Variants in CNIH2 observed in about 807,000 individuals in gnomAD.
CNIH2 encodes the protein cornichon family AMPA receptor auxiliary protein 2.
Under a neutral mutation model 22.9 loss-of-function variants are expected in CNIH2, and 8 were observed. The observed-to-expected ratio is 0.35, with a 90% confidence interval of 0.20 to 0.63. CNIH2 has a LOEUF of 0.63. Ranked by LOEUF, CNIH2 falls within the 30% of genes least tolerant of loss-of-function variation. The pLI is 0.72. For synonymous variants in CNIH2, 74 were observed against 78.2 expected (o/e 0.95, Z 0.28); for missense variants, 105 against 206.2 (o/e 0.51, Z 3.01).
rs1857199347 is a variant in CNIH2, at chr11:66,278,550, TGGGGCTGGGGCTGGGGGCGGGGTGG to T, written c.81+19_81+43del. 6.0e-6 allele frequency: 2 copies of T among 332,820 alleles called. No homozygotes were observed. The highest frequency in any genetic ancestry group is 1.0e-5 in the Non-Finnish European group (2 of 198,058). The allele number at this position is 332,820 out of a possible 1,614,324, so 20.6% of individuals were successfully genotyped here. On this transcript the variant is annotated intron_variant, in intron 1 of 5. Coordinates refer to ENST00000311445, the MANE Select transcript of CNIH2 (RefSeq NM_182553.3). ...TGTCATCTGGCACGTAAGGCCGGGC[TGGGGCTGGGGCTGGGGGCGGGGTGG>T]GGGGCAGGGGCCACGCGGAGCTGGA...
At chr11:66,279,153 G>C (rs917909595) in intron 1 of CNIH2, among the ~76,000 whole-genome samples, 2 of 150,970 alleles carry the variant, frequency 1.3e-5, no homozygotes, top group Non-Finnish European at 3.0e-5. Flanking sequence ...AGCCCCCCAG[G>C]TTTCCTCTCC....
At chr11:66,278,568 C>A (rs745553755) in intron 1 of CNIH2, 31 bp downstream of exon 1, 2 of 167,780 alleles carry the variant, frequency 1.2e-5, no homozygotes, top group Non-Finnish European at 2.3e-5. Flanking sequence ...GGGCTGGGGG[C>A]GGGGTGGGGG....
rs1003137009 is a variant in CNIH2, at chr11:66,283,746, G to A, written c.*149G>A. Reference sequence around the variant, plus strand: ...CCAACCCCCAAACTGCTGCTGCGGGGAACCCCCCCCACCCCGCCTTCAGAG... The same window carrying A: ...CCAACCCCCAAACTGCTGCTGCGGGAAACCCCCCCCACCCCGCCTTCAGAG... On this transcript the variant is annotated 3_prime_UTR_variant, in exon 6 of 6. Coordinates refer to ENST00000311445, the MANE Select transcript of CNIH2 (RefSeq NM_182553.3). 3 of 822,536 alleles carry A rather than the reference G, an allele frequency of 3.6e-6. No homozygotes were observed. In the African/African-American group the frequency reaches 5.2e-5, roughly 14 times the overall value. 51.0% of individuals were successfully genotyped at this position (822,536 alleles called of 1,614,324 possible).
chr11:66,282,223 T>C, intron 1 of CNIH2, 36 bp from the exon 2 acceptor site: 1 of 1,583,912 alleles, frequency 6.3e-7, no homozygotes, highest in Non-Finnish European at 8.7e-7. Context: ...CATAAGCTGC[T>C]GCCCCAACCC....
intron 5 of CNIH2, 54 bp downstream of exon 5, chr11:66,283,445 C>T (rs751735071): frequency 1.4e-5 from 23 of 1,611,414 alleles, no homozygotes; most frequent in Non-Finnish European, 1.7e-5. Flanking sequence ...CCCAGCATCA[C>T]GCTTCCAATC....
At chr11:66,282,632 A>G (rs1016844116) in intron 2 of CNIH2, 101 bp from the exon 3 acceptor site, 128 of 1,389,706 alleles carry the variant, frequency 9.2e-5, no homozygotes, top group Non-Finnish European at 1.2e-4. Flanking sequence ...TGCCGCAGAG[A>G]TCGCTCTGGC....
chr11:66,278,755 G>A (rs1399772515), intron 1 of CNIH2, among the ~76,000 whole-genome samples: 2 of 147,356 alleles, frequency 1.4e-5, no homozygotes, highest in Non-Finnish European at 3.0e-5. Context: ...GTGTATGTCA[G>A]TCGGTCTCTG....
At chr11:66,282,993 T>G in intron 3 of CNIH2, 42 bp from the exon 4 acceptor site, 1 of 1,553,046 alleles carries the variant, frequency 6.4e-7, no homozygotes, top group Non-Finnish European at 8.9e-7. Flanking sequence ...GGCTGGTCTG[T>G]CATAGCACCA....
chr11:66,282,693 T>G, intron 2 of CNIH2, 40 bp from the exon 3 acceptor site: 1 of 1,612,616 alleles, frequency 6.2e-7, no homozygotes, highest in Non-Finnish European at 8.5e-7. Context: ...AGTACCTGCT[T>G]CTCCGCCACC....
chr11:66,282,193 A>G, intron 1 of CNIH2, 66 bp from the exon 2 acceptor site: 5 of 1,398,516 alleles, frequency 3.6e-6, no homozygotes, highest in Non-Finnish European at 4.1e-6. Flanking sequence ...ACTATCCCAC[A>G]GAAGGACTTG....
intron 1 of CNIH2, 136 bp from the exon 2 acceptor site, chr11:66,282,123 C>T (rs1857266469): frequency 1.3e-6 from 1 of 765,938 alleles, no homozygotes; most frequent in South Asian, 1.5e-5. Context: ...CCTGCTCCTC[C>T]CTGGACCTCG....
intron 1 of CNIH2, among the ~76,000 whole-genome samples, chr11:66,278,924 C>CCA (rs1857213657): frequency 9.4e-6 from 1 of 106,938 alleles, no homozygotes; most frequent in Non-Finnish European, 2.2e-5. Context: ...TGCCCCCCCC[C>CCA]CCCCGCCTTT....
intron 2 of CNIH2, 125 bp from the exon 3 acceptor site, chr11:66,282,608 G>T (rs891514660): frequency 5.1e-6 from 6 of 1,181,352 alleles, no homozygotes; most frequent in Non-Finnish European, 6.1e-6. Context: ...GCTGCTTCCC[G>T]GCCGTGCCGA....
In CNIH2 at chr11:66,278,390, G is replaced by A. The variant is rs1009439203; in HGVS notation, c.-67G>A. 6.5e-5 allele frequency: 40 copies of A among 611,848 alleles called. No individual in the cohort carries two copies. Among genetic ancestry groups the A allele is most frequent in the South Asian group, 6.9e-5 (1 of 14,486 alleles). The allele number at this position is 611,848 out of a possible 1,614,324, so 37.9% of individuals were successfully genotyped here. A position where few individuals can be genotyped will look rare whatever the true frequency, so the allele number is the denominator to read the frequency against. On this transcript the variant is annotated 5_prime_UTR_variant, in exon 1 of 6. Transcript: ENST00000311445. ...GCCCGGCCGGCCCTAAGCGCGGGCC[G>A]GGGGGCGTCCCCTTGCGCCCGGGCC...
At chr11:66,279,255 C>T (rs997119461) in intron 1 of CNIH2, among the ~76,000 whole-genome samples, 3 of 152,006 alleles carry the variant, frequency 2.0e-5, no homozygotes, top group African/African-American at 7.2e-5. Context: ...AGCCTCACAC[C>T]TGGTTCTTCA....
At chr11:66,281,140 G>C (rs77417996) in intron 1 of CNIH2, among the ~76,000 whole-genome samples, 3,646 of 152,160 alleles carry the variant, frequency 0.024, 141 homozygotes, top group African/African-American at 0.083. Context: ...CACGCCTTCC[G>C]TCTCCACTAC....
In CNIH2 at chr11:66,281,673, C is replaced by T. The variant is rs890635607; in HGVS notation, c.82-586C>T. ...CACCACTCTCTCTTTTCTTCCTGCT[C>T]GCTGCGCTGTCACGCCAGCCCCATG... On this transcript the variant is annotated intron_variant, in intron 1 of 5. Transcript: ENST00000311445. 1.4e-5 allele frequency: 5 copies of T among 357,440 alleles called. No individual in the cohort carries two copies. The Admixed American group carries it at 1.5e-4, about 11-fold the overall frequency. 22.1% of individuals were successfully genotyped at this position (357,440 alleles called of 1,614,324 possible).
chr11:66,282,428 G>GCCT, intron 2 of CNIH2, 101 bp downstream of exon 2: 1 of 713,854 alleles, frequency 1.4e-6, no homozygotes, highest in Non-Finnish European at 2.4e-6. Context: ...TGGGGTGGGG[G>GCCT]GCCTACGGCC....
At chr11:66,278,688 C>G (rs1004434932) in intron 1 of CNIH2, 151 bp downstream of exon 1, 26 of 427,980 alleles carry the variant, frequency 6.1e-5, no homozygotes, top group Non-Finnish European at 9.8e-5. Flanking sequence ...ATTAACACCC[C>G]CCGTGGTCGG....
Sources: allele counts gnomAD v4.1 joint callset (sites outside exome capture counted in the v4.1 genomes callset), GRCh38; gene constraint gnomAD v4.1.1; transcripts MANE v1.5; gene names NCBI Gene and HGNC (gene_info 2026-07-23, HGNC 2026-07-21).